The following TAFA1 variants were observed in gnomAD, a reference collection of about 807,000 sequenced individuals.
TAFA1 encodes the protein TAFA chemokine like family member 1, also known as chemokine-like protein TAFA-1.
A neutral mutation model predicts 18.5 loss-of-function variants in TAFA1; 4 were observed. The observed-to-expected ratio is 0.22, with a 90% confidence interval of 0.11 to 0.49. TAFA1 has a LOEUF of 0.49. TAFA1 is among the 20% of genes least tolerant of loss of function. TAFA1 has a pLI of 0.98. For synonymous variants in TAFA1, 56 were observed against 55.2 expected (o/e 1.01, Z -0.06); for missense variants, 147 against 169.0 (o/e 0.87, Z 0.72).
At chr3:68,541,409 T>G (rs911057085) in intron 4 of TAFA1, among the ~76,000 whole-genome samples, 1 of 152,184 alleles carries the variant, frequency 6.6e-6, no homozygotes, top group Non-Finnish European at 1.5e-5. Flanking sequence ...TCTGAAAATA[T>G]GTTCTGTATT....
At chr3:68,057,809 C>A (rs2064554498) in intron 2 of TAFA1, among the ~76,000 whole-genome samples, 1 of 152,072 alleles carries the variant, frequency 6.6e-6, no homozygotes, top group Non-Finnish European at 1.5e-5. Flanking sequence ...GGTGGAGTGG[C>A]ACAATGGTTG....
chr3:68,464,775 G>A (rs2071854099), intron 3 of TAFA1, among the ~76,000 whole-genome samples: 1 of 152,158 alleles, frequency 6.6e-6, no homozygotes. Context: ...TGGATGAAAG[G>A]CAGGGTAGTA....
intron 2 of TAFA1, among the ~76,000 whole-genome samples, chr3:68,181,434 C>T (rs1325336767): frequency 6.7e-6 from 1 of 149,920 alleles, no homozygotes; most frequent in Non-Finnish European, 1.5e-5. Flanking sequence ...GTAAATTTTT[C>T]TGTTCCAGTG....
chr3:68,040,556 G>A (rs1705142136), intron 2 of TAFA1, among the ~76,000 whole-genome samples: 1 of 140,116 alleles, frequency 7.1e-6, no homozygotes, highest in African/African-American at 2.7e-5. Context: ...CTGGTGGTGG[G>A]ACTAATGATC....
the TAFA1 span, among the ~76,000 whole-genome samples, chr3:67,997,626 C>T: frequency 6.6e-6 from 1 of 152,184 alleles, no homozygotes; most frequent in South Asian, 2.1e-4. Flanking sequence ...AAGCCAAAGA[C>T]TTCTATTCTT....
At chr3:68,293,929 C>A (rs538266171) in intron 2 of TAFA1, among the ~76,000 whole-genome samples, 3 of 152,250 alleles carry the variant, frequency 2.0e-5, no homozygotes, top group Non-Finnish European at 4.4e-5. Context: ...AGAAGCAGAA[C>A]TTGATCAAAG....
At chr3:68,351,827 A>G (rs545824346) in intron 2 of TAFA1, among the ~76,000 whole-genome samples, 7 of 151,920 alleles carry the variant, frequency 4.6e-5, no homozygotes, top group African/African-American at 1.7e-4. Context: ...GAGAGGGGGA[A>G]GTTTACCTTT....
chr3:68,453,433 T>TC (rs1228023575), intron 3 of TAFA1, among the ~76,000 whole-genome samples: 8 of 152,216 alleles, frequency 5.3e-5, no homozygotes, highest in African/African-American at 1.9e-4. Context: ...CCTCAGCAAG[T>TC]CTGGAGGCTT....
chr3:68,273,488 C>A (rs1272907689), intron 2 of TAFA1, among the ~76,000 whole-genome samples: 2 of 152,150 alleles, frequency 1.3e-5, no homozygotes, highest in Non-Finnish European at 2.9e-5. Context: ...TTTGTCAAAT[C>A]ATTGAAGAAA....
chr3:68,168,511 T>A (rs958557790), intron 2 of TAFA1, among the ~76,000 whole-genome samples: 3 of 152,258 alleles, frequency 2.0e-5, no homozygotes, highest in Admixed American at 2.0e-4. Flanking sequence ...CCTTGACTGG[T>A]TATAAATAAT....
At chr3:68,114,285 G>A (rs949790239) in intron 2 of TAFA1, among the ~76,000 whole-genome samples, 4 of 152,094 alleles carry the variant, frequency 2.6e-5, no homozygotes, top group Admixed American at 2.6e-4. Flanking sequence ...CATTCAGCCT[G>A]TATATGCCCC....
At chr3:68,132,726 TG>T (rs1486087683) in intron 2 of TAFA1, among the ~76,000 whole-genome samples, 1 of 152,222 alleles carries the variant, frequency 6.6e-6, no homozygotes, top group Non-Finnish European at 1.5e-5. Context: ...TGGGGTCATT[TG>T]TTTTTTTCTT....
At chr3:68,268,797 A>G (rs1233735108) in intron 2 of TAFA1, among the ~76,000 whole-genome samples, 2 of 152,124 alleles carry the variant, frequency 1.3e-5, no homozygotes, top group African/African-American at 4.8e-5. Flanking sequence ...TGCTGTTAGA[A>G]AGAAACCAGT....
chr3:68,465,028 A>G (rs2071859497), intron 3 of TAFA1, among the ~76,000 whole-genome samples: 1 of 152,138 alleles, frequency 6.6e-6, no homozygotes, highest in African/African-American at 2.4e-5. Flanking sequence ...GAAGTCCTAA[A>G]CCGTACAAAA....
intron 3 of TAFA1, among the ~76,000 whole-genome samples, chr3:68,452,643 T>G (rs1399538800): frequency 2.0e-5 from 3 of 152,082 alleles, no homozygotes; most frequent in Non-Finnish European, 4.4e-5. Flanking sequence ...GTTTGAATTC[T>G]ATACCAAAAT....
intron 2 of TAFA1, among the ~76,000 whole-genome samples, chr3:68,217,894 A>G (rs1479634332): frequency 6.6e-6 from 1 of 152,078 alleles, no homozygotes; most frequent in Non-Finnish European, 1.5e-5. Context: ...AGATTTTATT[A>G]TCATCATTAT....
intron 2 of TAFA1, among the ~76,000 whole-genome samples, chr3:68,285,761 C>A (rs2067988233): frequency 6.6e-6 from 1 of 152,000 alleles, no homozygotes; most frequent in Admixed American, 6.6e-5. Context: ...TGAGTGTGAT[C>A]ATGCAATTGT....
intron 2 of TAFA1, among the ~76,000 whole-genome samples, chr3:68,287,287 A>C (rs1355528796): frequency 1.3e-5 from 2 of 152,180 alleles, no homozygotes; most frequent in Non-Finnish European, 2.9e-5. Flanking sequence ...CTATTACATG[A>C]GGAACTGGCT....
intron 2 of TAFA1, among the ~76,000 whole-genome samples, chr3:68,100,840 C>T (rs116722351): frequency 0.01 from 1,571 of 152,088 alleles, 38 homozygotes; most frequent in African/African-American, 0.036. Context: ...ATACCCATTA[C>T]GATAGCACAA....
Sources: gnomAD v4.1 joint callset for allele counts (sites outside exome capture counted in the v4.1 genomes callset) on GRCh38, gnomAD v4.1.1 for gene constraint, MANE v1.5 for transcripts, NCBI Gene and HGNC (gene_info 2026-07-23, HGNC 2026-07-21) for gene names.